Variants in RIMBP2 observed in about 807,000 individuals in gnomAD.
RIMBP2 encodes RIMS binding protein 2, also known as RIMS-binding protein 2.
A neutral mutation model predicts 118.6 loss-of-function variants in RIMBP2; 48 were observed. That is an observed-to-expected ratio of 0.40 (90% CI 0.32 to 0.51). RIMBP2 has a LOEUF of 0.51. RIMBP2 is among the 20% of genes least tolerant of loss of function. RIMBP2 has a pLI of 0.41. For missense variants in RIMBP2, 1,551 were observed against 1,768.3 expected, an observed-to-expected ratio of 0.88 and a Z score of 2.20; for synonymous variants, 762 against 742.9, an observed-to-expected ratio of 1.03 and a Z score of -0.42.
At chr12:130,432,706 A>AG in intron 14 of RIMBP2, among the ~76,000 whole-genome samples, 2 of 152,340 alleles carry the variant, frequency 1.3e-5, no homozygotes, top group East Asian at 3.9e-4. Flanking sequence ...GGGAGGCCTC[A>AG]GGGGAAAGAA....
At position 130,710,445 on chromosome 12, in the gene RIMBP2, C is replaced by T. The variant is rs138093277; in HGVS notation, c.-352+5777G>A. Among the ~76,000 whole-genome samples, 230 of 152,128 alleles carry T rather than the reference C, an allele frequency of 1.5e-3. No homozygotes were observed. The highest frequency in any genetic ancestry group is 5.0e-3 in the African/African-American group (209 of 41,494). Reference sequence around the variant, plus strand: ...ATGCACACACACACATACACGCAGGCGCACACACACACATACACACACACA... The same window carrying T: ...ATGCACACACACACATACACGCAGGTGCACACACACACATACACACACACA... On this transcript the variant is annotated intron_variant, in intron 1 of 22. Transcript: ENST00000690449. This position sits in a 1 kb window ranked among gnomAD's most constrained non-coding sequence, Gnocchi z 4.3.
chr12:130,498,824 G>T (rs1202738545), intron 4 of RIMBP2, among the ~76,000 whole-genome samples: 1 of 152,158 alleles, frequency 6.6e-6, no homozygotes, highest in Non-Finnish European at 1.5e-5. Context: ...AACTACCCAA[G>T]TGGAGGCCCC....
chr12:130,658,198 TGAG>T (rs1211027507), intron 1 of RIMBP2: 1 of 152,252 alleles, frequency 6.6e-6, no homozygotes, highest in Non-Finnish European at 1.5e-5. Flanking sequence ...AGGTCAGCCC[TGAG>T]GAGGGAACAG....
intron 2 of RIMBP2, among the ~76,000 whole-genome samples, chr12:130,592,682 CAA>C (rs10676690): frequency 2.1e-5 from 3 of 144,140 alleles, no homozygotes; most frequent in African/African-American, 5.1e-5. Context: ...GAGACTCTGT[CAA>C]AAAAAAAAAA....
chr12:130,528,401 G>C lies in RIMBP2; in HGVS notation c.-216-10484C>G, dbSNP rs531066229. Among the ~76,000 whole-genome samples, 27 of 152,274 alleles carry C rather than the reference G, an allele frequency of 1.8e-4. No homozygotes were observed. In the East Asian group the frequency reaches 4.8e-3, roughly 27 times the overall value. On this transcript the variant is annotated intron_variant, in intron 2 of 22. Transcript: ENST00000690449. ...AGAAGTGGGAGCTGAATGATGAGAAGAGAACACATGGACATAGGGAGGGGA... is the reference window on the plus strand; with the variant it reads ...AGAAGTGGGAGCTGAATGATGAGAACAGAACACATGGACATAGGGAGGGGA...
At chr12:130,689,300 G>A (rs1278985507) in intron 1 of RIMBP2, among the ~76,000 whole-genome samples, 1 of 152,130 alleles carries the variant, frequency 6.6e-6, no homozygotes, top group East Asian at 1.9e-4. Flanking sequence ...GAGTGTGGTG[G>A]TGCGTGCCTG....
rs777999944 is a variant in RIMBP2 at position 130,420,558 on chromosome 12, T to C, written c.3238+1895A>G. On this transcript the variant is annotated intron_variant, in intron 17 of 22. Transcript: ENST00000690449. This position sits in a 1 kb window ranked among gnomAD's most constrained non-coding sequence, Gnocchi z 4.3. ...TTGGGAAGGGTTTTTATGATACTAA[T>C]AAAACTTTAAAGCTTCTCACTGCTG... Among the ~76,000 whole-genome samples, 1 of 152,148 alleles carries C rather than the reference T, an allele frequency of 6.6e-6. No homozygotes were observed. The highest frequency in any genetic ancestry group is 1.5e-5 in the Non-Finnish European group (1 of 68,024).
chr12:130,685,302 T>C (rs1227208612), intron 1 of RIMBP2, among the ~76,000 whole-genome samples: 2 of 152,152 alleles, frequency 1.3e-5, no homozygotes, highest in Non-Finnish European at 2.9e-5. Flanking sequence ...CCCCTTTATA[T>C]ACGGATCTCA....
chr12:130,529,556 A>T (rs2139297841), intron 2 of RIMBP2, among the ~76,000 whole-genome samples: 1 of 152,292 alleles, frequency 6.6e-6, no homozygotes, highest in East Asian at 1.9e-4. Context: ...ATGGCCACAC[A>T]ATGTTGCAAA....
chr12:130,625,539 TCAAA>T (rs58867896), intron 2 of RIMBP2, among the ~76,000 whole-genome samples: 86,309 of 151,706 alleles, frequency 0.57, 26,405 homozygotes, highest in Admixed American at 0.67. Context: ...GCCCACTCTT[TCAAA>T]CAGTCATGAG....
chr12:130,604,075 C>T (rs549203037), intron 2 of RIMBP2, among the ~76,000 whole-genome samples: 8 of 152,132 alleles, frequency 5.3e-5, no homozygotes, highest in African/African-American at 7.2e-5. Flanking sequence ...AGGTGCAAGA[C>T]GGTGATGTGA....
intron 2 of RIMBP2, among the ~76,000 whole-genome samples, chr12:130,584,377 ACCATCACCACCATCACCTCATCG>A (rs2058715117): frequency 3.3e-4 from 42 of 127,406 alleles, no homozygotes; most frequent in Admixed American, 7.7e-4. Context: ...TCACCTCACC[ACCATCACCACCATCACCTCATCG>A]CCATCACCAC....
intron 2 of RIMBP2, among the ~76,000 whole-genome samples, chr12:130,609,031 G>A (rs185740258): frequency 6.6e-6 from 1 of 152,182 alleles, no homozygotes; most frequent in African/African-American, 2.4e-5. Context: ...TTCAGTATTT[G>A]TCTTTCTGTG....
chr12:130,422,622 G>A lies in RIMBP2; in HGVS notation c.3130-61C>T. 1.6e-6 allele frequency: 2 copies of A among 1,228,436 alleles called. No homozygotes were observed. The highest frequency in any genetic ancestry group is 1.2e-6 in the Non-Finnish European group (1 of 859,322). The allele number at this position is 1,228,436 out of a possible 1,614,324, so 76.1% of individuals were successfully genotyped here. A position where few individuals can be genotyped will look rare whatever the true frequency, so the allele number is the denominator to read the frequency against. ...CCAGCATTGGGAACTGAAGAATTCA[G>A]TTAGCCAAATCAAGCGGGTTGAAAA... On this transcript the variant is annotated intron_variant, in intron 16 of 22. Transcript: ENST00000690449. The surrounding 1 kb of genome is among the most constrained non-coding windows in gnomAD (Gnocchi z 5.2).
Position 130,499,466 on chromosome 12 carries a change from G to A in RIMBP2, c.-4+7182C>T, listed in dbSNP as rs1022686951. Among the ~76,000 whole-genome samples, 10 of 152,074 alleles carry A rather than the reference G, an allele frequency of 6.6e-5. No homozygotes were observed. The East Asian group carries it at 9.6e-4, about 15-fold the overall frequency. On this transcript the variant is annotated intron_variant, in intron 4 of 22. Transcript: ENST00000690449. Reference sequence around the variant, plus strand: ...AAACCCTCTAATGGCTTCCCATCTCGCTCAGGAAGGAAAGAGCCAAAGTCC... The same window carrying A: ...AAACCCTCTAATGGCTTCCCATCTCACTCAGGAAGGAAAGAGCCAAAGTCC...
At chr12:130,492,007 G>A (rs372082140) in intron 4 of RIMBP2, among the ~76,000 whole-genome samples, 4 of 152,190 alleles carry the variant, frequency 2.6e-5, no homozygotes, top group Admixed American at 2.0e-4. Context: ...TCTCCTCAAC[G>A]TCAGATCAAA....
At chr12:130,697,503 C>T (rs1340748281) in intron 1 of RIMBP2, among the ~76,000 whole-genome samples, 3 of 151,548 alleles carry the variant, frequency 2.0e-5, no homozygotes, top group Admixed American at 2.0e-4. Flanking sequence ...AGCCTGGGTG[C>T]AGAGGGAGAC....
At chr12:130,556,954 G>A (rs931329124) in intron 2 of RIMBP2, among the ~76,000 whole-genome samples, 2 of 152,160 alleles carry the variant, frequency 1.3e-5, no homozygotes, top group African/African-American at 2.4e-5. Flanking sequence ...GTCATATCCT[G>A]TTATGGGTTA....
Position 130,431,536 on chromosome 12 carries a change from G to T in RIMBP2, c.2253+3198C>A, listed in dbSNP as rs376588883. 2 of 276,340 alleles carry T rather than the reference G, an allele frequency of 7.2e-6. No homozygotes were observed. The highest frequency in any genetic ancestry group is 1.5e-5 in the Non-Finnish European group (2 of 129,900). The allele number at this position is 276,340 out of a possible 1,614,324, so 17.1% of individuals were successfully genotyped here. ...TATCTCAACTGTAAATGGAAAATAA[G>T]TATCACTTATTTTATGTTATATTAT... On this transcript the variant is annotated intron_variant, in intron 14 of 22. Transcript: ENST00000690449. This position sits in a 1 kb window ranked among gnomAD's most constrained non-coding sequence, Gnocchi z 4.0.
Sources: allele counts gnomAD v4.1 joint callset (sites outside exome capture counted in the v4.1 genomes callset), GRCh38; gene constraint gnomAD v4.1.1; non-coding constraint Gnocchi (gnomAD v3.1); transcripts MANE v1.5; gene names NCBI Gene and HGNC (gene_info 2026-07-23, HGNC 2026-07-21).